ADGRD2: variants seen among roughly 807,000 people sequenced by gnomAD.
ADGRD2 encodes the protein G protein-coupled receptor PGR24.
ADGRD2 carries 71 observed loss-of-function variants against 44.4 expected under a neutral mutation model. The observed-to-expected ratio is 1.60, with a 90% CI of 1.32 to 1.95. The LOEUF is 1.95. ADGRD2 is among the 30% of genes most tolerant of loss of function. The probability of loss-of-function intolerance (pLI) is 0.00; values close to 1 mark genes in which losing one functional copy is unlikely to be tolerated. For missense variants in ADGRD2, 1,039 were observed against 512.4 expected (o/e 2.03, Z -9.92); for synonymous variants, 481 against 224.8 (o/e 2.14, Z -10.19).
intron 21 of ADGRD2, 60 bp from the exon 25 acceptor site, chr9:124,478,221 C>G (rs1052462560): frequency 6.6e-6 from 1 of 152,510 alleles, no homozygotes; most frequent in African/African-American, 2.4e-5. Flanking sequence ...CCCTTCCATC[C>G]CCGGGTTCTC....
chr9:124,452,388 G>A, intron 1 of ADGRD2, 122 bp from the exon 5 acceptor site: 1 of 683,630 alleles, frequency 1.5e-6, no homozygotes, highest in East Asian at 2.7e-5. Context: ...CCATAGACAT[G>A]GGCGGGTTCA....
rs907089131 is a variant in ADGRD2, at chr9:124,454,106, T to G, written c.1022+9T>G. ...CTGCTGCTACCGGACAGGTGCGCCC[T>G]GGCTGTACCCCTGGGCTCTGCTGAA... On this transcript the variant is annotated intron_variant, in intron 4 of 21. Transcript: ENST00000334810. This position sits in a 1 kb window ranked among gnomAD's most constrained non-coding sequence, Gnocchi z 4.5. 2.9e-6 allele frequency: 2 copies of G among 689,188 alleles called. No homozygotes were observed. Among genetic ancestry groups the G allele is most frequent in the African/African-American group, 3.6e-5 (2 of 56,288 alleles). The allele number at this position is 689,188 out of a possible 1,614,324, so 42.7% of individuals were successfully genotyped here. A position where few individuals can be genotyped will look rare whatever the true frequency, so the allele number is the denominator to read the frequency against.
At chr9:124,464,212 T>C (rs1190787582) in intron 10 of ADGRD2, among the ~76,000 whole-genome samples, 2 of 152,092 alleles carry the variant, frequency 1.3e-5, no homozygotes, top group Non-Finnish European at 2.9e-5. Context: ...ATAAAAGTGA[T>C]GTGTTACTCA....
At chr9:124,476,153 G>A (rs990177823) in intron 19 of ADGRD2, among the ~76,000 whole-genome samples, 1 of 152,158 alleles carries the variant, frequency 6.6e-6, no homozygotes, top group African/African-American at 2.4e-5. Flanking sequence ...GTCAGGCCAG[G>A]GGTTCCAATC....
chr9:124,462,967 CCTTT>C (rs1831749642), intron 10 of ADGRD2, among the ~76,000 whole-genome samples: 1 of 150,992 alleles, frequency 6.6e-6, no homozygotes, highest in African/African-American at 2.4e-5. Flanking sequence ...TTCATTCCTT[CCTTT>C]CTTTCCTCCC....
Position 124,454,970 on chromosome 9 carries a change from C to T in ADGRD2, c.1238C>T (p.Ala413Val), listed in dbSNP as rs770818515. 1.4e-6 allele frequency: 1 copy of T among 718,278 alleles called. No homozygotes were observed. The highest frequency in any genetic ancestry group is 1.5e-5 in the South Asian group (1 of 67,606). 44.5% of individuals were successfully genotyped at this position (718,278 alleles called of 1,614,324 possible). A position where few individuals can be genotyped will look rare whatever the true frequency, so the allele number is the denominator to read the frequency against. Residue 413 changes from alanine (A) to valine (V), a missense_variant, in exon 6 of 22, where the codon GCT becomes GTT. Transcript: ENST00000334810. This position sits in a 1 kb window ranked among gnomAD's most constrained non-coding sequence, Gnocchi z 4.5. ...CCCCTGGGGCCGGCCGCACTGCTGG[C>T]TGTTGTCCGCTTCCTGAAGAGGGTG...
chr9:124,456,638 T>C (rs1831622473), exon 7 of ADGRD2: 1 of 718,090 alleles, frequency 1.4e-6, no homozygotes, highest in Non-Finnish European at 2.6e-6. Flanking sequence ...GGTGGGCCTA[T>C]GGCCCTGGTG....
intron 11 of ADGRD2, chr9:124,467,340 C>CAAAAAAAAAAAA (rs59651695): frequency 9.5e-6 from 1 of 104,798 alleles, no homozygotes; most frequent in Non-Finnish European, 2.0e-5. Flanking sequence ...CTTGAAGCAA[C>CAAAAAAAAAAAA]AAAAAAAAAA....
intron 12 of ADGRD2, 48 bp from the exon 16 acceptor site, chr9:124,468,040 G>A (rs1588606830): frequency 9.7e-6 from 7 of 718,056 alleles, no homozygotes; most frequent in African/African-American, 5.2e-5. Context: ...ACGGGGTGTG[G>A]GGACCAGCAG....
exon 7 of ADGRD2, chr9:124,456,701 G>A (rs368809624): frequency 3.9e-5 from 28 of 712,886 alleles, no homozygotes; most frequent in African/African-American, 2.6e-4. Flanking sequence ...ACCTCAGAGC[G>A]GCCCCGAATG....
At chr9:124,470,927 C>T (rs1306933511) in intron 17 of ADGRD2, among the ~76,000 whole-genome samples, 3 of 152,244 alleles carry the variant, frequency 2.0e-5, no homozygotes, top group Non-Finnish European at 4.4e-5. Context: ...GCCCCTTGGC[C>T]AGTGCCAGAG....
chr9:124,453,425 T>C (rs1274669738), exon 3 of ADGRD2: 4 of 646,624 alleles, frequency 6.2e-6, no homozygotes, highest in Non-Finnish European at 1.1e-5. Flanking sequence ...GGCCACCCGG[T>C]GCCGTCCGGC....
chr9:124,455,104 G>A (rs1319822162), exon 6 of ADGRD2: 1 of 709,796 alleles, frequency 1.4e-6, no homozygotes, highest in Non-Finnish European at 2.6e-6. Context: ...GCAGGTGGCT[G>A]ACACATGGCT....
At chr9:124,459,949 T>C (rs555022053) in intron 10 of ADGRD2, among the ~76,000 whole-genome samples, 28 of 152,156 alleles carry the variant, frequency 1.8e-4, no homozygotes, top group Non-Finnish European at 3.1e-4. Flanking sequence ...GGTATTTCTC[T>C]ATAAACTGAC....
exon 2 of ADGRD2, chr9:124,452,547 T>G (rs996064230): frequency 4.2e-6 from 3 of 718,342 alleles, no homozygotes; most frequent in African/African-American, 1.7e-5. Context: ...AGACTGCAGG[T>G]GGGGTGTGCA....
Position 124,455,127 on chromosome 9 carries a change from A to G in ADGRD2, c.1395A>G (p.Glu465=), listed in dbSNP as rs774294591. The G allele has an allele frequency of 2.2e-5, 15 of 688,366 alleles. No individual in the cohort carries two copies. The African/African-American group carries it at 2.7e-4, about 12-fold the overall frequency. 42.6% of individuals were successfully genotyped at this position (688,366 alleles called of 1,614,324 possible). A position where few individuals can be genotyped will look rare whatever the true frequency, so the allele number is the denominator to read the frequency against. The stretch of plus-strand genomic sequence containing the variant: ...CTGACACATGGCTCTCCCTCCGTGA[A>G]GTGAGGCTGGCAGGGCTGGGTGGGG... The change falls in exon 6 of 22, where the codon GAA becomes GAG. Residue 465 remains glutamate (E), a splice_region_variant and synonymous_variant. Transcript: ENST00000334810.
chr9:124,461,841 G>A (rs191312550), intron 10 of ADGRD2, among the ~76,000 whole-genome samples: 371 of 150,914 alleles, frequency 2.5e-3, no homozygotes, highest in Admixed American at 4.0e-3. Context: ...TCCACCTCCC[G>A]CGTTCAAGTG....
chr9:124,458,107 A>C lies in ADGRD2; in HGVS notation c.1641-6A>C, dbSNP rs1831651626. On this transcript the variant is annotated splice_polypyrimidine_tract_variant and splice_region_variant and intron_variant, in intron 8 of 21. Transcript: ENST00000334810. ...TGGTGCCTTGGTGCCCCTTCCTCTC[A>C]GCCAGGCCTCTCTGGAGTCACCGTG... 1 of 718,388 alleles carries C rather than the reference A, an allele frequency of 1.4e-6. No individual in the cohort carries two copies. The allele number at this position is 718,388 out of a possible 1,614,324, so 44.5% of individuals were successfully genotyped here.
intron 9 of ADGRD2, 81 bp from the exon 13 acceptor site, chr9:124,458,535 G>A (rs867288863): frequency 2.5e-5 from 17 of 680,922 alleles, no homozygotes; most frequent in South Asian, 1.3e-4. Context: ...CACCTCCACC[G>A]TAGGGGCCTG....
Sources: allele counts gnomAD v4.1 joint callset (sites outside exome capture counted in the v4.1 genomes callset), GRCh38; gene constraint gnomAD v4.1.1; non-coding constraint Gnocchi (gnomAD v3.1); transcripts MANE v1.5; gene names NCBI Gene and HGNC (gene_info 2026-07-23, HGNC 2026-07-21).